The following MEF2A variants were observed in gnomAD, a reference collection of about 807,000 sequenced individuals.
The protein encoded by MEF2A is myocyte enhancer factor 2A, also known as myocyte-specific enhancer factor 2A.
A neutral mutation model predicts 55.8 loss-of-function variants in MEF2A; 28 were observed. The observed-to-expected ratio is 0.50, with a 90% confidence interval of 0.37 to 0.69. MEF2A has a LOEUF of 0.69. Ranked by LOEUF, MEF2A falls within the 30% of genes least tolerant of loss-of-function variation. The pLI, the probability that MEF2A is intolerant of heterozygous loss-of-function variation, is 0.00. For synonymous variants in MEF2A, 239 were observed against 227.1 expected (o/e 1.05, Z -0.47); for missense variants, 528 against 626.2 (o/e 0.84, Z 1.67).
chr15:99,603,777 A>G (rs1299801034), intron 2 of MEF2A, among the ~76,000 whole-genome samples: 1 of 152,156 alleles, frequency 6.6e-6, no homozygotes, highest in Non-Finnish European at 1.5e-5. Context: ...ACTAGGTCAC[A>G]TTGGTTGATA....
chr15:99,691,350 A>T (rs2055417347), intron 8 of MEF2A, among the ~76,000 whole-genome samples: 1 of 152,188 alleles, frequency 6.6e-6, no homozygotes, highest in Non-Finnish European at 1.5e-5. Context: ...TACTTTCATT[A>T]ATCAATTAAA....
chr15:99,605,119 T>G (rs1974574692), intron 2 of MEF2A, among the ~76,000 whole-genome samples: 1 of 152,154 alleles, frequency 6.6e-6, no homozygotes, highest in South Asian at 2.1e-4. Context: ...CTATTTTTTT[T>G]GTATTTTTAG....
chr15:99,658,361 T>C (rs1229950790), intron 4 of MEF2A, among the ~76,000 whole-genome samples: 2 of 152,124 alleles, frequency 1.3e-5, no homozygotes. Flanking sequence ...GAACCAAAGA[T>C]AGAAGAAATT....
chr15:99,674,537 T>A lies in MEF2A; in HGVS notation c.535T>A (p.Ser179Thr). 1 of 1,613,922 alleles carries A rather than the reference T, an allele frequency of 6.2e-7. No individual in the cohort carries two copies. Among genetic ancestry groups the A allele is most frequent in the Non-Finnish European group, 8.5e-7 (1 of 1,179,888 alleles). The change falls in exon 6 of 12, where the codon TCT (serine) becomes ACT (threonine). Residue 179 changes from serine to threonine, a missense_variant. By Grantham distance (58) the Ser-to-Thr change is moderately conservative. This residue lies in a region of MEF2A where 450 missense variants were observed against 475.3 expected (regional missense o/e 0.95). Transcript: ENST00000557942. ...AACGTTAACAGATTCAAGCATGCTC[T>A]CTCCACCTCAAACCACATTACATAG... The part of the protein sequence containing the change: ...SSTLTDSSML[S>T]PPQTTLHRNV...
intron 3 of MEF2A, among the ~76,000 whole-genome samples, chr15:99,636,104 A>C (rs922127950): frequency 6.6e-6 from 1 of 152,194 alleles, no homozygotes. Flanking sequence ...TAGGTGAACA[A>C]TAGTAATTTA....
At chr15:99,567,335 C>G (rs564048128) in intron 1 of MEF2A, among the ~76,000 whole-genome samples, 9 of 152,270 alleles carry the variant, frequency 5.9e-5, no homozygotes, top group African/African-American at 1.9e-4. Context: ...TCCCATGTGT[C>G]TTGTATCATC....
At chr15:99,619,318 C>G (rs2040743775) in intron 2 of MEF2A, among the ~76,000 whole-genome samples, 3 of 152,170 alleles carry the variant, frequency 2.0e-5, no homozygotes, top group Non-Finnish European at 4.4e-5. Flanking sequence ...CTCACCCCCT[C>G]ATGAAGGCAG....
intron 2 of MEF2A, among the ~76,000 whole-genome samples, chr15:99,631,096 A>T (rs2042871239): frequency 6.6e-6 from 1 of 152,188 alleles, no homozygotes; most frequent in Admixed American, 6.5e-5. Flanking sequence ...TTCTCAAAGG[A>T]AGGTTGGTTT....
At chr15:99,644,883 G>T (rs1347375110) in intron 3 of MEF2A, among the ~76,000 whole-genome samples, 1 of 152,122 alleles carries the variant, frequency 6.6e-6, no homozygotes, top group Non-Finnish European at 1.5e-5. Flanking sequence ...CAGAGTATTT[G>T]AAGTTTTTGA....
intron 2 of MEF2A, among the ~76,000 whole-genome samples, chr15:99,622,303 T>G (rs1334611789): frequency 1.3e-5 from 2 of 152,200 alleles, no homozygotes; most frequent in African/African-American, 2.4e-5. Flanking sequence ...TTGGAGAGAT[T>G]CTTTTTTCCC....
rs187829886 is a variant in MEF2A at position 99,609,296 on chromosome 15, T to C, written c.-143+10785T>C. ...TATTGATCTTATTTCTTGAATCAGA[T>C]GTTAGTATTTTTGAATTTTACCTAA... is the stretch of plus-strand genomic sequence containing the variant. On this transcript the variant is annotated intron_variant, in intron 2 of 11. Transcript: ENST00000557942. 4.6e-5 allele frequency among the ~76,000 whole-genome samples: 7 copies of C among 152,362 alleles called. No individual in the cohort carries two copies. The East Asian group carries it at 1.2e-3, about 25-fold the overall frequency.
chr15:99,643,500 T>C (rs1372070568), intron 3 of MEF2A, among the ~76,000 whole-genome samples: 1 of 152,226 alleles, frequency 6.6e-6, no homozygotes, highest in African/African-American at 2.4e-5. Context: ...TATTCTATTT[T>C]GTTTTTGTTT....
chr15:99,607,120 G>A (rs1438472874), intron 2 of MEF2A, among the ~76,000 whole-genome samples: 3 of 152,100 alleles, frequency 2.0e-5, no homozygotes, highest in African/African-American at 7.2e-5. Context: ...GGTAAAATAA[G>A]CTATGATGAT....
rs144851139 is a variant in MEF2A, at chr15:99,661,706, T to A, written c.259-9617T>A. Among the ~76,000 whole-genome samples, 480 of 152,162 alleles carry A rather than the reference T, an allele frequency of 3.2e-3. 13 individuals are homozygous for A. The highest frequency in any genetic ancestry group is 0.028 in the Admixed American group (420 of 15,256). ...TAGGAATGCATATTGATACAATTAC[T>A]TTAAAAGACAGTTTGGCATTATCTA... On this transcript the variant is annotated intron_variant, in intron 4 of 11. Transcript: ENST00000557942.
intron 2 of MEF2A, among the ~76,000 whole-genome samples, chr15:99,608,914 G>T (rs1005178069): frequency 2.0e-5 from 3 of 150,780 alleles, no homozygotes; most frequent in African/African-American, 7.3e-5. Flanking sequence ...AAAAAAAAAA[G>T]AAGGTGCTAT....
chr15:99,582,839 T>C (rs946615491), intron 1 of MEF2A, among the ~76,000 whole-genome samples: 3 of 152,258 alleles, frequency 2.0e-5, no homozygotes, highest in Middle Eastern at 3.4e-3. Flanking sequence ...AGAGGTCTAG[T>C]ATTACAGTAA....
rs545098934 is a variant in MEF2A, at chr15:99,659,716, C to A, written c.259-11607C>A. ...GATCTCTTTTAACTTTAATATTCTCCTCTATAAGGGTAGAAGATGAACTAG... is the reference window on the plus strand; with the variant it reads ...GATCTCTTTTAACTTTAATATTCTCATCTATAAGGGTAGAAGATGAACTAG... On this transcript the variant is annotated intron_variant, in intron 4 of 11. Coordinates refer to ENST00000557942, the MANE Select transcript of MEF2A (RefSeq NM_001319206.4). Among the ~76,000 whole-genome samples, 5 of 152,244 alleles carry A rather than the reference C, an allele frequency of 3.3e-5. No homozygotes were observed. In the South Asian group the frequency reaches 1.0e-3, roughly 32 times the overall value.
At chr15:99,699,802 T>C (rs1474058385) in intron 8 of MEF2A, among the ~76,000 whole-genome samples, 1 of 151,820 alleles carries the variant, frequency 6.6e-6, no homozygotes, top group Non-Finnish European at 1.5e-5. Context: ...AAATATAAAA[T>C]GTAAATAAAC....
intron 10 of MEF2A, 48 bp downstream of exon 10, chr15:99,706,903 G>C (rs752041674): frequency 6.4e-7 from 1 of 1,573,666 alleles, no homozygotes; most frequent in East Asian, 2.3e-5. Flanking sequence ...TCTCTGTTTT[G>C]TGATCAACGT....
Sources: allele counts gnomAD v4.1 joint callset (sites outside exome capture counted in the v4.1 genomes callset), GRCh38; gene constraint gnomAD v4.1.1; regional missense constraint gnomAD v4.1.1; transcripts MANE v1.5; gene names NCBI Gene and HGNC (gene_info 2026-07-23, HGNC 2026-07-21).